Variants in FLNB observed in about 807,000 individuals in gnomAD.
The protein encoded by FLNB is filamin B.
A neutral mutation model predicts 250.6 loss-of-function variants in FLNB; 111 were observed. The observed-to-expected ratio is 0.44, with a 90% CI of 0.38 to 0.52. The LOEUF (loss-of-function observed/expected upper bound fraction) is 0.52, where lower values mean the gene tolerates loss of function less well. FLNB is among the 20% of genes least tolerant of loss of function. FLNB has a pLI of 0.00. For synonymous variants in FLNB, 1,302 were observed against 1,372.1 expected (o/e 0.95, Z 1.13); for missense variants, 2,869 against 3,447.8 (o/e 0.83, Z 4.20).
chr3:58,144,094 T>C (rs1378121766), intron 32 of FLNB, among the ~76,000 whole-genome samples: 1 of 152,218 alleles, frequency 6.6e-6, no homozygotes, highest in African/African-American at 2.4e-5. Context: ...TCATTCTTTC[T>C]TTTTGTAGTT....
chr3:58,121,273 G>A lies in FLNB; in HGVS notation c.2896G>A (p.Val966Ile), dbSNP rs772747273. 1.9e-5 allele frequency: 31 copies of A among 1,614,014 alleles called. No homozygotes were observed. Among genetic ancestry groups the A allele is most frequent in the Non-Finnish European group, 2.4e-5 (28 of 1,180,026 alleles). The change falls in exon 20 of 46, where the codon GTT (valine) becomes ATT (isoleucine). Residue 966 changes from valine to isoleucine, a missense_variant. By Grantham distance (29) the Val-to-Ile change is conservative. Transcript: ENST00000295956. ...VEVGKDQEFTVDTRGAGGQGK... is the reference protein window; with the variant it reads ...VEVGKDQEFTIDTRGAGGQGK... ...AGTTGGGAAGGATCAGGAGTTCACC[G>A]TTGATACCAGGGGGGCAGGAGGCCA...
rs1009402131 is a variant in FLNB at position 58,142,236 on chromosome 3, C to G, written c.5181+307C>G. 1.3e-5 allele frequency among the ~76,000 whole-genome samples: 2 copies of G among 152,220 alleles called. No individual in the cohort carries two copies. The highest frequency in any genetic ancestry group is 4.8e-5 in the African/African-American group (2 of 41,460). On this transcript the variant is annotated intron_variant, in intron 30 of 45. Transcript: ENST00000295956. The surrounding 1 kb of genome is among the most constrained non-coding windows in gnomAD (Gnocchi z 4.3). The stretch of plus-strand genomic sequence containing the variant: ...CCCTCCTGCTGCCTCTCAAAGCCGC[C>G]ACTTGCACATTCAGTTTCTGTTCAG...
intron 29 of FLNB, among the ~76,000 whole-genome samples, chr3:58,138,746 G>A (rs554466696): frequency 2.6e-5 from 4 of 152,184 alleles, no homozygotes; most frequent in Non-Finnish European, 5.9e-5. Context: ...TGGCCACCAA[G>A]GTGTCTATCA....
At chr3:58,151,033 C>G (rs145357330) in intron 38 of FLNB, 1 of 152,540 alleles carries the variant, frequency 6.6e-6, no homozygotes, top group African/African-American at 2.4e-5. Context: ...GTCACATCAA[C>G]GTCGGGTCAC....
Position 58,094,900 on chromosome 3 carries a change from C to T in FLNB, c.852C>T (p.Ala284=), listed in dbSNP as rs765017696. 11 of 1,613,994 alleles carry T rather than the reference C, an allele frequency of 6.8e-6. No homozygotes were observed. Among genetic ancestry groups the T allele is most frequent in the Admixed American group, 5.0e-5 (3 of 60,008 alleles). ...AGTTCACTGTGGACACCATCAGCGC[C>T]GGGCAAGGAGACGTGATGGTGTTTG... is the stretch of plus-strand genomic sequence containing the variant. ...PAKFTVDTIS[A]GQGDVMVFVE... is the part of the protein sequence containing the mutation. The change falls in exon 5 of 46, where the codon GCC becomes GCT. Residue 284 remains alanine, a synonymous_variant. Transcript: ENST00000295956.
chr3:58,012,715 T>C (rs1157893787), intron 1 of FLNB, among the ~76,000 whole-genome samples: 1 of 152,206 alleles, frequency 6.6e-6, no homozygotes, highest in Non-Finnish European at 1.5e-5. Flanking sequence ...TCTTGTGTTT[T>C]CCTCATTGTG....
chr3:58,077,344 G>A (rs750748043), intron 2 of FLNB, 50 bp downstream of exon 2: 1 of 1,600,592 alleles, frequency 6.2e-7, no homozygotes, highest in Non-Finnish European at 8.5e-7. Context: ...GGGGTGTGTG[G>A]GTCCCAAACA....
chr3:58,159,856 C>T (rs1190446413), intron 42 of FLNB, among the ~76,000 whole-genome samples, 170 bp downstream of exon 42: 1 of 152,174 alleles, frequency 6.6e-6, no homozygotes, highest in African/African-American at 2.4e-5. Context: ...AAACATGTGC[C>T]AGGGATAGGG....
chr3:58,144,222 A>G (rs754556970), intron 32 of FLNB, among the ~76,000 whole-genome samples: 1 of 152,114 alleles, frequency 6.6e-6, no homozygotes, highest in African/African-American at 2.4e-5. Context: ...ACTATCATAA[A>G]TTTTTTTATG....
intron 29 of FLNB, among the ~76,000 whole-genome samples, chr3:58,139,040 G>A (rs755593360): frequency 7.2e-5 from 11 of 152,296 alleles, no homozygotes; most frequent in Middle Eastern, 3.4e-3. Flanking sequence ...GAAATACCTC[G>A]TCTTTTGCAG....
chr3:58,014,822 G>A (rs754299985), intron 1 of FLNB, among the ~76,000 whole-genome samples: 14 of 152,098 alleles, frequency 9.2e-5, no homozygotes, highest in South Asian at 2.1e-4. Context: ...TCTGTCTCCC[G>A]GGGTCAAGCA....
intron 1 of FLNB, among the ~76,000 whole-genome samples, chr3:58,047,903 C>T (rs2097156490): frequency 6.6e-6 from 1 of 152,118 alleles, no homozygotes; most frequent in African/African-American, 2.4e-5. Context: ...AAGTACTCAG[C>T]TCGTATCATG....
chr3:58,135,079 T>A (rs2097313797), intron 27 of FLNB, among the ~76,000 whole-genome samples: 1 of 152,198 alleles, frequency 6.6e-6, no homozygotes, highest in South Asian at 2.1e-4. Flanking sequence ...TCTTGAACTC[T>A]CTTGGGTTCA....
At chr3:58,044,318 G>C (rs2097150388) in intron 1 of FLNB, among the ~76,000 whole-genome samples, 1 of 152,132 alleles carries the variant, frequency 6.6e-6, no homozygotes, top group Non-Finnish European at 1.5e-5. Flanking sequence ...ATAGTATTAG[G>C]CCAGGTGCCG....
chr3:58,163,709 C>T (rs1375001835), intron 43 of FLNB: 7 of 261,020 alleles, frequency 2.7e-5, no homozygotes, highest in Non-Finnish European at 5.2e-5. Context: ...GGCTCCTACC[C>T]GTCTGTTCTT....
At chr3:58,132,604 G>A (rs2097309356) in intron 25 of FLNB, 1 of 645,514 alleles carries the variant, frequency 1.5e-6, no homozygotes, top group Non-Finnish European at 2.8e-6. Context: ...AGCTAAAGGT[G>A]TCTCTCGGGG....
At chr3:58,073,149 C>CTATTTATTTATTTATTTATTTATT (rs55987295) in intron 1 of FLNB, among the ~76,000 whole-genome samples, 11 of 145,728 alleles carry the variant, frequency 7.5e-5, no homozygotes, top group Non-Finnish European at 1.2e-4. Context: ...AGTATACCCA[C>CTATTTATTTATTTATTTATTTATT]TATTTATTTA....
rs1471279586 is a variant in FLNB at position 58,026,524 on chromosome 3, C to T, written c.292+17668C>T. On this transcript the variant is annotated intron_variant, in intron 1 of 45. Transcript: ENST00000295956. ...ACTTCTGGGTTATGCCCTGTACAAA[C>T]AGCATCAAAGTCGCTGGGCTAGGGT... Among the ~76,000 whole-genome samples the T allele has an allele frequency of 2.0e-5, 3 of 152,200 alleles. No homozygotes were observed. In the East Asian group the frequency reaches 5.8e-4, roughly 29 times the overall value.
At chr3:58,088,093 G>A (rs888980375) in intron 4 of FLNB, among the ~76,000 whole-genome samples, 2 of 143,640 alleles carry the variant, frequency 1.4e-5, no homozygotes, top group African/African-American at 5.2e-5. Context: ...ACAGGTTGGA[G>A]TGCAATGGTA....
Sources: gnomAD v4.1 joint callset for allele counts (sites outside exome capture counted in the v4.1 genomes callset) on GRCh38, gnomAD v4.1.1 for gene constraint, Gnocchi (gnomAD v3.1) non-coding constraint, MANE v1.5 for transcripts, NCBI Gene and HGNC (gene_info 2026-07-23, HGNC 2026-07-21) for gene names.